Variants in PHIP observed in about 807,000 individuals in gnomAD.
PHIP encodes PHIP subunit of CUL4-Ring ligase complex.
In PHIP, 54 loss-of-function variants were observed where a neutral mutation model predicts 236.8. The observed-to-expected ratio is 0.23, with a 90% CI of 0.18 to 0.29. The LOEUF (loss-of-function observed/expected upper bound fraction) is 0.29, where lower values mean the gene tolerates loss of function less well. PHIP is among the 10% of genes least tolerant of loss of function. PHIP has a pLI of 1.00. For missense variants in PHIP, 1,370 were observed against 2,190.8 expected (o/e 0.63, Z 7.48); for synonymous variants, 756 against 718.9 (o/e 1.05, Z -0.83).
intron 23 of PHIP, among the ~76,000 whole-genome samples, chr6:78,980,101 C>A (rs1034634271): frequency 6.6e-6 from 1 of 151,984 alleles, no homozygotes; most frequent in African/African-American, 2.4e-5. Context: ...AAGGATCACT[C>A]TGGATGCATC....
At chr6:79,001,150 G>GA (rs1180537562) in intron 17 of PHIP, among the ~76,000 whole-genome samples, 1 of 151,936 alleles carries the variant, frequency 6.6e-6, no homozygotes, top group Non-Finnish European at 1.5e-5. Flanking sequence ...AAATATAGTA[G>GA]AAGTATTCAT....
chr6:79,015,493 T>A (rs1435977815), intron 14 of PHIP, 137 bp downstream of exon 14: 1 of 676,246 alleles, frequency 1.5e-6, no homozygotes. Flanking sequence ...TTAAAATTAT[T>A]CCCAATCACT....
chr6:78,945,858 T>C (rs1231511950), intron 38 of PHIP, 143 bp downstream of exon 38: 1 of 674,042 alleles, frequency 1.5e-6, no homozygotes, highest in African/African-American at 1.8e-5. Context: ...AAAACTTTTT[T>C]TTAAAATAGG....
At chr6:78,950,949 TCTC>T (rs1391361084) in intron 35 of PHIP, among the ~76,000 whole-genome samples, 2 of 152,152 alleles carry the variant, frequency 1.3e-5, no homozygotes, top group African/African-American at 2.4e-5. Flanking sequence ...ATTTGAAACT[TCTC>T]CTTTTCTGCT....
At chr6:79,052,673 A>T (rs574990289) in intron 6 of PHIP, among the ~76,000 whole-genome samples, 1 of 152,330 alleles carries the variant, frequency 6.6e-6, no homozygotes, top group African/African-American at 2.4e-5. Flanking sequence ...TTTAGAAAAA[A>T]TTTAATCAGC....
At position 78,970,835 on chromosome 6, in the gene PHIP, A is replaced by G; in HGVS notation, c.2943T>C (p.Asn981=). ...HEAYVEMARK[N]KIYSINPKKQ... The stretch of plus-strand genomic sequence containing the variant: ...TTTTGGGATTGATACTATATATTTT[A>G]TTTTTCCGGGCCATTTCGACATAGG... Residue 981 remains asparagine (N), a synonymous_variant, in exon 25 of 40, where the codon AAT becomes AAC. Transcript: ENST00000275034. 1 of 1,611,970 alleles carries G rather than the reference A, an allele frequency of 6.2e-7. No homozygotes were observed. The highest frequency in any genetic ancestry group is 8.5e-7 in the Non-Finnish European group (1 of 1,179,198).
intron 4 of PHIP, among the ~76,000 whole-genome samples, chr6:79,065,962 C>T (rs1773601932): frequency 1.3e-5 from 2 of 151,874 alleles, no homozygotes; most frequent in South Asian, 4.1e-4. Flanking sequence ...TTAGTAAGAA[C>T]CCCATATCTT....
chr6:78,971,574 C>T (rs1034387597), intron 24 of PHIP, among the ~76,000 whole-genome samples: 9 of 152,240 alleles, frequency 5.9e-5, no homozygotes, highest in Admixed American at 3.9e-4. Flanking sequence ...CCAGCCTGAA[C>T]GATGCAGAAG....
intron 9 of PHIP, among the ~76,000 whole-genome samples, chr6:79,024,420 GAAT>G (rs763188609): frequency 1.1e-4 from 17 of 152,132 alleles, no homozygotes; most frequent in Non-Finnish European, 2.1e-4. Flanking sequence ...GAAATCAACT[GAAT>G]AATCAATTGA....
chr6:78,944,015 G>T (rs1408992757), intron 39 of PHIP, among the ~76,000 whole-genome samples: 4 of 123,846 alleles, frequency 3.2e-5, no homozygotes, highest in Non-Finnish European at 6.8e-5. Context: ...AAAAAAAAAG[G>T]AAGTGCTTGA....
intron 35 of PHIP, among the ~76,000 whole-genome samples, chr6:78,952,677 A>G (rs1209893416): frequency 6.6e-6 from 1 of 152,126 alleles, no homozygotes; most frequent in Admixed American, 6.6e-5. Flanking sequence ...GTCTGTTTTT[A>G]AAACTGTCCA....
intron 7 of PHIP, among the ~76,000 whole-genome samples, chr6:79,037,141 T>C (rs546819003): frequency 6.6e-6 from 1 of 152,134 alleles, no homozygotes; most frequent in Non-Finnish European, 1.5e-5. Context: ...TCTTTTCCTT[T>C]TTGGCCCACA....
At chr6:78,965,267 G>T (rs926348141) in intron 29 of PHIP, among the ~76,000 whole-genome samples, 2 of 152,152 alleles carry the variant, frequency 1.3e-5, no homozygotes, top group African/African-American at 4.8e-5. Flanking sequence ...GTACTAAAAA[G>T]TTGGGGTGTG....
chr6:78,953,866 G>T lies in PHIP; in HGVS notation c.4053+948C>A, dbSNP rs1039612786. Among the ~76,000 whole-genome samples the T allele has an allele frequency of 2.0e-5, 3 of 151,958 alleles. No individual in the cohort carries two copies. In the East Asian group the frequency reaches 5.8e-4, roughly 30 times the overall value. On this transcript the variant is annotated intron_variant, in intron 35 of 39. Coordinates refer to ENST00000275034, the MANE Select transcript of PHIP (RefSeq NM_017934.7). ...TTCCCAAAGTGCTGGGATTACAGGT[G>T]TAAGACACCACGCCCGACCCCTGAA... is the stretch of plus-strand genomic sequence containing the variant.
At chr6:79,021,013 C>T (rs1446526760) in intron 9 of PHIP, among the ~76,000 whole-genome samples, 1 of 152,214 alleles carries the variant, frequency 6.6e-6, no homozygotes, top group Non-Finnish European at 1.5e-5. Flanking sequence ...GGAAAACACA[C>T]ACACATAGAT....
At chr6:78,991,282 A>C (rs1227795946) in intron 19 of PHIP, among the ~76,000 whole-genome samples, 1 of 151,334 alleles carries the variant, frequency 6.6e-6, no homozygotes, top group Non-Finnish European at 1.5e-5. Context: ...TCCTAGGGTA[A>C]TTTTTCCAAG....
intron 5 of PHIP, 32 bp downstream of exon 5, chr6:79,060,636 A>C (rs752537132): frequency 6.2e-7 from 1 of 1,608,242 alleles, no homozygotes; most frequent in Non-Finnish European, 8.5e-7. Flanking sequence ...TGAGATAAAT[A>C]ATGTCTAAAT....
chr6:79,054,972 T>G (rs1337931774), intron 6 of PHIP, among the ~76,000 whole-genome samples: 2 of 151,832 alleles, frequency 1.3e-5, no homozygotes. Flanking sequence ...CAAAGGCTTC[T>G]TAGCATTAAT....
At chr6:79,016,207 T>A (rs1361137716) in intron 13 of PHIP, among the ~76,000 whole-genome samples, 3 of 152,042 alleles carry the variant, frequency 2.0e-5, no homozygotes. Flanking sequence ...GTTTAATTTA[T>A]CTTGGCTTGA....
Sources: allele counts gnomAD v4.1 joint callset (sites outside exome capture counted in the v4.1 genomes callset), GRCh38; gene constraint gnomAD v4.1.1; transcripts MANE v1.5; gene names NCBI Gene and HGNC (gene_info 2026-07-23, HGNC 2026-07-21).